TUBA8: variants seen among roughly 807,000 people sequenced by gnomAD.
The protein encoded by TUBA8 is tubulin alpha-8 chain.
A neutral mutation model predicts 34.7 loss-of-function variants in TUBA8; 29 were observed. That is an observed-to-expected ratio of 0.84 (90% CI 0.62 to 1.14). The LOEUF is 1.14. Ranked by LOEUF, TUBA8 falls within the 50% of genes most tolerant of loss-of-function variation. The pLI is 0.00. For synonymous variants in TUBA8, 226 were observed against 231.2 expected (o/e 0.98, Z 0.21); for missense variants, 541 against 599.2 (o/e 0.90, Z 1.01).
chr22:18,127,608 T>A (rs976688086), intron 4 of TUBA8: 3 of 151,710 alleles, frequency 2.0e-5, no homozygotes, highest in Admixed American at 6.6e-5. Flanking sequence ...TTAGCCAGGA[T>A]GGTCTCGATC....
chr22:18,112,750 TA>T (rs1408147530), intron 1 of TUBA8: 2 of 152,272 alleles, frequency 1.3e-5, no homozygotes, highest in Non-Finnish European at 2.9e-5. Flanking sequence ...CAATTTTGTC[TA>T]GTAGGTTCTA....
intron 1 of TUBA8, chr22:18,117,108 A>T (rs1927998888): frequency 6.6e-6 from 1 of 152,180 alleles, no homozygotes; most frequent in Non-Finnish European, 1.5e-5. Context: ...GCTTTTTACT[A>T]TGAAAAATTT....
Position 18,124,265 on chromosome 22 carries a change from GGA to G in TUBA8, c.340_341del (p.Ser114HisfsTer2). 6.2e-7 allele frequency: 1 copy of G among 1,614,186 alleles called. No homozygotes were observed. Among genetic ancestry groups the G allele is most frequent in the Non-Finnish European group, 8.5e-7 (1 of 1,180,042 alleles). ...CCCGGGGCCACTACACGGTGGGCAAGGAGAGCATTGACCTGGTGCTGGACCGC... is the reference window on the plus strand; with the variant it reads ...CCCGGGGCCACTACACGGTGGGCAAGGAGCATTGACCTGGTGCTGGACCGC... ...YARGHYTVGKESIDLVLDRIR... is the reference protein window; with the variant it reads ...YARGHYTVGKXSIDLVLDRIR... On this transcript the variant is annotated frameshift_variant, in exon 3 of 5. Transcript: ENST00000330423. LOFTEE classifies it high-confidence loss of function. This position sits in a 1 kb window ranked among gnomAD's most constrained non-coding sequence, Gnocchi z 4.3.
chr22:18,125,054 G>A (rs750700452), intron 3 of TUBA8: 7 of 152,214 alleles, frequency 4.6e-5, no homozygotes, highest in Admixed American at 3.3e-4. Context: ...GTCCCCAAAA[G>A]TTCAAATCAC....
In TUBA8 at chr22:18,130,998, T is replaced by C; in HGVS notation, c.1212T>C (p.Phe404=). The C allele has an allele frequency of 6.2e-7, 1 of 1,614,144 alleles. No homozygotes were observed. The highest frequency in any genetic ancestry group is 1.3e-5 in the African/African-American group (1 of 75,038). The part of the protein sequence containing the change: ...KFDLMYAKRA[F]VHWYVGEGME... Reference sequence around the variant, plus strand: ...ACCTCATGTACGCCAAGCGGGCCTTTGTGCATTGGTATGTGGGAGAGGGGA... The same window carrying C: ...ACCTCATGTACGCCAAGCGGGCCTTCGTGCATTGGTATGTGGGAGAGGGGA... The change falls in exon 5 of 5, where the codon TTT becomes TTC. Residue 404 remains phenylalanine (F), a synonymous_variant. Transcript: ENST00000330423.
chr22:18,125,328 A>G (rs1478681700), intron 3 of TUBA8: 1 of 152,082 alleles, frequency 6.6e-6, no homozygotes, highest in East Asian at 1.9e-4. Flanking sequence ...ATCCTGGCCA[A>G]CATGTTAAAA....
chr22:18,123,221 G>A (rs891786948), intron 2 of TUBA8: 5 of 151,528 alleles, frequency 3.3e-5, no homozygotes, highest in Non-Finnish European at 5.9e-5. Context: ...GAGGCAATTG[G>A]CGTTGGTGTT....
In TUBA8 at chr22:18,121,174, G is replaced by A; in HGVS notation, c.4-305G>A. 1 of 390,904 alleles carries A rather than the reference G, an allele frequency of 2.6e-6. No individual in the cohort carries two copies. The highest frequency in any genetic ancestry group is 4.8e-6 in the Non-Finnish European group (1 of 206,456). 24.2% of individuals were successfully genotyped at this position (390,904 alleles called of 1,614,324 possible). Reference sequence around the variant, plus strand: ...TCCTTGGGCCTTCTTCACCAGTGCAGGAATCTTGTGGTTTGGAATTAGCCC... The same window carrying A: ...TCCTTGGGCCTTCTTCACCAGTGCAAGAATCTTGTGGTTTGGAATTAGCCC... On this transcript the variant is annotated intron_variant, in intron 1 of 4. Transcript: ENST00000330423. This position sits in a 1 kb window ranked among gnomAD's most constrained non-coding sequence, Gnocchi z 4.8.
chr22:18,114,702 C>CT (rs1294577839), intron 1 of TUBA8: 2 of 152,158 alleles, frequency 1.3e-5, no homozygotes, highest in Admixed American at 6.5e-5. Flanking sequence ...CACATGCTTC[C>CT]TGACAGCAAC....
chr22:18,124,088 G>A lies in TUBA8; in HGVS notation c.227-68G>A, dbSNP rs556025921. 7.5e-6 allele frequency: 12 copies of A among 1,598,118 alleles called. No homozygotes were observed. Among genetic ancestry groups the A allele is most frequent in the African/African-American group, 4.0e-5 (3 of 74,690 alleles). ...TAGGGGAGAACGGAAGGGGTCCTGC[G>A]GTAGTGTGGTAGGGAGGGAGGCTTC... On this transcript the variant is annotated intron_variant, in intron 2 of 4. Coordinates refer to ENST00000330423, the MANE Select transcript of TUBA8 (RefSeq NM_018943.3). The surrounding 1 kb of genome is among the most constrained non-coding windows in gnomAD (Gnocchi z 4.3).
chr22:18,110,960 C>A lies in TUBA8; in HGVS notation c.3+92C>A. On this transcript the variant is annotated intron_variant, in intron 1 of 4. Transcript: ENST00000330423. The surrounding 1 kb of genome is among the most constrained non-coding windows in gnomAD (Gnocchi z 6.2). ...CGCGGAGGCGCACGGACCCGTCTTC[C>A]TGGAGCCGCAGGGCTCAAGGCCTTC... is the stretch of plus-strand genomic sequence containing the variant. The A allele has an allele frequency of 6.5e-7, 1 of 1,527,918 alleles. No individual in the cohort carries two copies. The allele number at this position is 1,527,918 out of a possible 1,614,324, so 94.6% of individuals were successfully genotyped here. A position where few individuals can be genotyped will look rare whatever the true frequency, so the allele number is the denominator to read the frequency against.
At chr22:18,112,807 TA>T (rs1405128773) in intron 1 of TUBA8, 2 of 152,268 alleles carry the variant, frequency 1.3e-5, no homozygotes, top group Admixed American at 1.3e-4. Flanking sequence ...TGATGGCTAA[TA>T]TTTTTTGTTG....
rs751731338 is a variant in TUBA8 at position 18,131,164 on chromosome 22, C to T, written c.*28C>T. 2.4e-5 allele frequency: 39 copies of T among 1,604,986 alleles called. No homozygotes were observed. Among genetic ancestry groups the T allele is most frequent in the Non-Finnish European group, 3.1e-5 (36 of 1,173,294 alleles). The stretch of plus-strand genomic sequence containing the variant: ...ATATACCTTCCCCTTGGCTGTGTCT[C>T]TTTATTTATGCTGTGCCATTCAAAG... On this transcript the variant is annotated 3_prime_UTR_variant, in exon 5 of 5. Transcript: ENST00000330423. This position sits in a 1 kb window ranked among gnomAD's most constrained non-coding sequence, Gnocchi z 5.3.
chr22:18,128,053 A>T (rs1432098274), intron 4 of TUBA8: 1 of 152,106 alleles, frequency 6.6e-6, no homozygotes, highest in Non-Finnish European at 1.5e-5. Context: ...TGGCCATTTT[A>T]ATTTTAGAGT....
intron 4 of TUBA8, 113 bp from the exon 5 acceptor site, chr22:18,130,730 G>A: frequency 2.8e-6 from 4 of 1,426,118 alleles, no homozygotes; most frequent in Non-Finnish European, 2.9e-6. Context: ...CCACTCCCAC[G>A]CCCCTGACCA....
Position 18,124,100 on chromosome 22 carries a change from G to A in TUBA8, c.227-56G>A. The A allele has an allele frequency of 6.2e-7, 1 of 1,610,560 alleles. No individual in the cohort carries two copies. Among genetic ancestry groups the A allele is most frequent in the Admixed American group, 1.7e-5 (1 of 59,958 alleles). ...GAAGGGGTCCTGCGGTAGTGTGGTA[G>A]GGAGGGAGGCTTCTCCCCTGGGCAG... On this transcript the variant is annotated intron_variant, in intron 2 of 4. Coordinates refer to ENST00000330423, the MANE Select transcript of TUBA8 (RefSeq NM_018943.3). This position sits in a 1 kb window ranked among gnomAD's most constrained non-coding sequence, Gnocchi z 4.3.
rs767510308 is a variant in TUBA8, at chr22:18,126,899, G to A, written c.921G>A (p.Pro307=). The stretch of plus-strand genomic sequence containing the variant: ...ACAGCCAGATGGTGAAGTGCGACCC[G>A]AGACATGGCAAGTACATGGCCTGCT... The part of the protein sequence containing the change: ...EPNSQMVKCD[P]RHGKYMACCM... Residue 307 remains proline, a synonymous_variant, in exon 4 of 5, where the codon CCG becomes CCA. Coordinates refer to ENST00000330423, the MANE Select transcript of TUBA8 (RefSeq NM_018943.3). The surrounding 1 kb of genome is among the most constrained non-coding windows in gnomAD (Gnocchi z 4.0). 6.1e-5 allele frequency: 98 copies of A among 1,611,788 alleles called. No individual in the cohort carries two copies. Among genetic ancestry groups the A allele is most frequent in the Non-Finnish European group, 7.7e-5 (91 of 1,178,810 alleles).
intron 2 of TUBA8, chr22:18,122,692 T>C (rs147951207): frequency 6.6e-6 from 1 of 152,252 alleles, no homozygotes; most frequent in East Asian, 1.9e-4. Flanking sequence ...ACATATATTA[T>C]TGCCACCATG....
chr22:18,115,111 C>T (rs191058041), intron 1 of TUBA8: 2 of 152,226 alleles, frequency 1.3e-5, no homozygotes, highest in Admixed American at 6.5e-5. Flanking sequence ...GGCAGTGGCT[C>T]CCCAGGCGGA....
Sources: allele counts gnomAD v4.1 joint callset, GRCh38; gene constraint gnomAD v4.1.1; non-coding constraint Gnocchi (gnomAD v3.1); transcripts MANE v1.5; gene names NCBI Gene and HGNC (gene_info 2026-07-23, HGNC 2026-07-21).